The following ADGB variants were observed in gnomAD, a reference collection of about 807,000 sequenced individuals.
The protein encoded by ADGB is androglobin, also known as calpain-7-like protein.
A neutral mutation model predicts 210.5 loss-of-function variants in ADGB; 172 were observed. That is an observed-to-expected ratio of 0.82 (90% CI 0.72 to 0.93). The LOEUF (loss-of-function observed/expected upper bound fraction) is 0.93, where lower values mean the gene tolerates loss of function less well. ADGB is among the 40% of genes least tolerant of loss of function. The pLI, the probability that ADGB is intolerant of heterozygous loss-of-function variation, is 0.00. For missense variants in ADGB, 2,025 were observed against 1,964.8 expected (o/e 1.03, Z -0.58); for synonymous variants, 658 against 662.7 (o/e 0.99, Z 0.11).
At chr6:146,737,066 C>T (rs1016609664) in intron 23 of ADGB, among the ~76,000 whole-genome samples, 2 of 151,742 alleles carry the variant, frequency 1.3e-5, no homozygotes, top group African/African-American at 4.8e-5. Context: ...CTCACCTCCC[C>T]GCCAATATAT....
intron 1 of ADGB, among the ~76,000 whole-genome samples, chr6:146,625,449 T>G (rs1780958730): frequency 1.3e-5 from 2 of 152,094 alleles, no homozygotes; most frequent in Admixed American, 1.3e-4. Context: ...GTAGATTTCC[T>G]AGAGATAACA....
At chr6:146,724,350 C>T (rs1348034922) in intron 18 of ADGB, 23 bp downstream of exon 18, 1 of 1,488,662 alleles carries the variant, frequency 6.7e-7, no homozygotes, top group Non-Finnish European at 8.9e-7. Context: ...TTCATTTTTC[C>T]CATAATAAAA....
intron 7 of ADGB, among the ~76,000 whole-genome samples, chr6:146,668,923 C>G (rs1315616227): frequency 6.6e-6 from 1 of 152,088 alleles, no homozygotes; most frequent in Non-Finnish European, 1.5e-5. Flanking sequence ...GATGCATGGT[C>G]TCTCTGTGAA....
chr6:146,741,356 G>A (rs1437662558), intron 25 of ADGB, 85 bp downstream of exon 25: 23 of 1,320,136 alleles, frequency 1.7e-5, no homozygotes, highest in Non-Finnish European at 2.4e-5. Flanking sequence ...GGAGGGTAGA[G>A]TTGTTTTTAA....
intron 2 of ADGB, among the ~76,000 whole-genome samples, chr6:146,642,486 A>C (rs1417066142): frequency 1.3e-5 from 2 of 152,062 alleles, no homozygotes; most frequent in African/African-American, 4.8e-5. Flanking sequence ...AAGCAACCTG[A>C]ATACCCATCA....
intron 2 of ADGB, among the ~76,000 whole-genome samples, chr6:146,638,498 G>T (rs1012060337): frequency 6.7e-6 from 1 of 148,840 alleles, no homozygotes; most frequent in Non-Finnish European, 1.5e-5. Context: ...GCAAACTATC[G>T]CAAGGACAAA....
At chr6:146,627,808 C>T (rs1262003630) in intron 1 of ADGB, among the ~76,000 whole-genome samples, 1 of 152,090 alleles carries the variant, frequency 6.6e-6, no homozygotes, top group Non-Finnish European at 1.5e-5. Context: ...CCCAAACACT[C>T]ATCTCCTTCT....
chr6:146,675,835 C>T (rs562876182), intron 8 of ADGB, among the ~76,000 whole-genome samples: 4 of 152,064 alleles, frequency 2.6e-5, no homozygotes, highest in Non-Finnish European at 5.9e-5. Flanking sequence ...TGGTTTGGGA[C>T]TTTGGTTGGA....
At chr6:146,786,251 G>A (rs1777873222) in intron 32 of ADGB, among the ~76,000 whole-genome samples, 1 of 149,560 alleles carries the variant, frequency 6.7e-6, no homozygotes, top group Non-Finnish European at 1.5e-5. Context: ...TAAGGACACA[G>A]GCACCAGAGA....
intron 35 of ADGB, among the ~76,000 whole-genome samples, chr6:146,814,775 G>A (rs1778357693): frequency 6.6e-6 from 1 of 151,608 alleles, no homozygotes; most frequent in South Asian, 2.1e-4. Context: ...ATACCTTTGG[G>A]GAAAAAAAAG....
At chr6:146,691,449 T>A (rs1265970501) in intron 11 of ADGB, among the ~76,000 whole-genome samples, 159 bp downstream of exon 11, 1 of 55,974 alleles carries the variant, frequency 1.8e-5, no homozygotes, top group African/African-American at 1.7e-4. Flanking sequence ...TATAAAAATA[T>A]ATATATATAA....
chr6:146,773,406 G>T (rs1008473056), intron 29 of ADGB, among the ~76,000 whole-genome samples: 2 of 151,954 alleles, frequency 1.3e-5, no homozygotes, highest in Admixed American at 1.3e-4. Flanking sequence ...TATATAAATG[G>T]GAAGTTTTAA....
At chr6:146,602,431 G>A (rs1237564690) in intron 1 of ADGB, among the ~76,000 whole-genome samples, 3 of 152,100 alleles carry the variant, frequency 2.0e-5, no homozygotes, top group Non-Finnish European at 4.4e-5. Flanking sequence ...TGATTGTTCT[G>A]TTATCATCTT....
intron 29 of ADGB, among the ~76,000 whole-genome samples, chr6:146,778,346 T>C (rs987877680): frequency 6.6e-6 from 1 of 152,216 alleles, no homozygotes; most frequent in Non-Finnish European, 1.5e-5. Flanking sequence ...TTTGCTTTTC[T>C]GTGAAGGCAG....
At position 146,600,924 on chromosome 6, in the gene ADGB, G is replaced by GCACA. The variant is rs1491470582; in HGVS notation, c.74+1811_74+1812insACAC. Among the ~76,000 whole-genome samples the GCACA allele has an allele frequency of 2.6e-3, 126 of 47,578 alleles. 1 individual carries two copies. The highest frequency in any genetic ancestry group is 0.012 in the South Asian group (16 of 1,386). The allele number at this position is 47,578 out of a possible 152,430, so 31.2% of individuals were successfully genotyped here. The stretch of plus-strand genomic sequence containing the variant: ...AATTTTGAGTACACCCCTCCCCCAT[G>GCACA]CGCACACACACACACACACACACAC... On this transcript the variant is annotated intron_variant, in intron 1 of 35. Coordinates refer to ENST00000397944, the MANE Select transcript of ADGB (RefSeq NM_024694.4).
chr6:146,661,865 C>T (rs142197651), intron 5 of ADGB, among the ~76,000 whole-genome samples: 115 of 152,098 alleles, frequency 7.6e-4, no homozygotes, highest in African/African-American at 2.7e-3. Flanking sequence ...AGAATATTTT[C>T]CCTAGTGATA....
At chr6:146,694,002 G>A (rs767963160) in intron 12 of ADGB, among the ~76,000 whole-genome samples, 2 of 152,102 alleles carry the variant, frequency 1.3e-5, no homozygotes, top group Non-Finnish European at 2.9e-5. Flanking sequence ...AGAAGATTGA[G>A]GCTTTCTCTA....
At chr6:146,688,251 T>C (rs1040031640) in intron 10 of ADGB, among the ~76,000 whole-genome samples, 1 of 151,912 alleles carries the variant, frequency 6.6e-6, no homozygotes, top group African/African-American at 2.4e-5. Flanking sequence ...TTAATATTTG[T>C]TGGAGGAGTA....
intron 29 of ADGB, among the ~76,000 whole-genome samples, chr6:146,776,472 G>T (rs1006421921): frequency 5.3e-5 from 8 of 151,878 alleles, no homozygotes; most frequent in African/African-American, 1.9e-4. Context: ...TGTGAGAAAA[G>T]GTTACCCTAA....
Sources: gnomAD v4.1 joint callset for allele counts (sites outside exome capture counted in the v4.1 genomes callset) on GRCh38, gnomAD v4.1.1 for gene constraint, MANE v1.5 for transcripts, NCBI Gene and HGNC (gene_info 2026-07-23, HGNC 2026-07-21) for gene names.